MALRD1: variants seen among roughly 807,000 people sequenced by gnomAD.
MALRD1 encodes the protein MAM and LDL-receptor class A domain-containing protein 1.
MALRD1 carries 247 observed loss-of-function variants against 242.1 expected under a neutral mutation model. The ratio of observed to expected loss-of-function variants is 1.02; its 90% CI spans 0.92 to 1.13. MALRD1 has a LOEUF of 1.13. Ranked by LOEUF, MALRD1 falls within the 50% of genes most tolerant of loss-of-function variation. The pLI, the probability that MALRD1 is intolerant of heterozygous loss-of-function variation, is 0.00. For synonymous variants in MALRD1, 995 were observed against 866.6 expected (o/e 1.15, Z -2.60); for missense variants, 2,989 against 2,533.1 (o/e 1.18, Z -3.86).
chr10:19,220,836 A>T (rs1588716757), intron 18 of MALRD1, among the ~76,000 whole-genome samples: 1 of 152,300 alleles, frequency 6.6e-6, no homozygotes, highest in East Asian at 1.9e-4. Flanking sequence ...GCTTATTCCA[A>T]CTTGTGAATT....
intron 26 of MALRD1, among the ~76,000 whole-genome samples, chr10:19,357,115 A>T (rs1007936169): frequency 2.0e-5 from 3 of 146,888 alleles, no homozygotes; most frequent in Non-Finnish European, 3.1e-5. Flanking sequence ...GTCTGAAAAA[A>T]AAAAATAAAA....
At chr10:19,648,479 A>G (rs908245330) in intron 36 of MALRD1, among the ~76,000 whole-genome samples, 2 of 152,202 alleles carry the variant, frequency 1.3e-5, no homozygotes, top group African/African-American at 4.8e-5. Flanking sequence ...CAGCCCTATC[A>G]TAGCTTAAAA....
chr10:19,581,994 G>A (rs1439892087), intron 33 of MALRD1, among the ~76,000 whole-genome samples: 3 of 152,238 alleles, frequency 2.0e-5, no homozygotes, highest in Admixed American at 6.5e-5. Flanking sequence ...TTTTTTTCAT[G>A]TGTTTTTTGG....
intron 34 of MALRD1, among the ~76,000 whole-genome samples, chr10:19,607,225 A>C (rs1838681778): frequency 6.6e-6 from 1 of 152,198 alleles, no homozygotes; most frequent in African/African-American, 2.4e-5. Flanking sequence ...ATTAGTCAGC[A>C]CAGGCTGCCG....
intron 38 of MALRD1, among the ~76,000 whole-genome samples, chr10:19,726,496 T>G (rs1835031696): frequency 6.6e-6 from 1 of 152,106 alleles, no homozygotes; most frequent in Non-Finnish European, 1.5e-5. Context: ...CACACATTGT[T>G]GGTGGGAATG....
intron 21 of MALRD1, among the ~76,000 whole-genome samples, chr10:19,303,577 A>G (rs192753830): frequency 6.6e-6 from 1 of 151,828 alleles, no homozygotes; most frequent in Non-Finnish European, 1.5e-5. Context: ...CAATGGAAAT[A>G]TAAGGCAAGC....
chr10:19,352,407 A>G (rs1844427501), intron 26 of MALRD1, 110 bp downstream of exon 26: 1 of 979,960 alleles, frequency 1.0e-6, no homozygotes, highest in Non-Finnish European at 1.5e-6. Context: ...TATCACTTTC[A>G]TAAAGAAAAT....
At chr10:19,711,421 G>C (rs1158176154) in intron 38 of MALRD1, 2 of 152,160 alleles carry the variant, frequency 1.3e-5, no homozygotes, top group Non-Finnish European at 2.9e-5. Context: ...ATAAATAATA[G>C]TTTATGCTCT....
At chr10:19,330,347 G>GA (rs983862965) in intron 23 of MALRD1, among the ~76,000 whole-genome samples, 2,966 of 145,474 alleles carry the variant, frequency 0.02, 94 homozygotes, top group African/African-American at 0.069. Flanking sequence ...GCATCTGAAG[G>GA]AAAAAAAAAA....
intron 19 of MALRD1, among the ~76,000 whole-genome samples, chr10:19,265,565 A>G (rs796719788): frequency 5.9e-5 from 9 of 152,172 alleles, no homozygotes; most frequent in African/African-American, 2.2e-4. Flanking sequence ...CCAGTTTCAT[A>G]CCATTGTGGT....
At position 19,077,989 on chromosome 10, in the gene MALRD1, A is replaced by G. The variant is rs370027810; in HGVS notation, c.341-9851A>G. 9.9e-5 allele frequency among the ~76,000 whole-genome samples: 15 copies of G among 152,020 alleles called. No homozygotes were observed. In the South Asian group the frequency reaches 2.9e-3, roughly 29 times the overall value. On this transcript the variant is annotated intron_variant, in intron 2 of 39. Transcript: ENST00000454679. ...TTTATTTCCCTTCTTACATGAAAAC[A>G]TATTTGTAGTTCTTGATGCTATTAT...
intron 18 of MALRD1, among the ~76,000 whole-genome samples, chr10:19,252,286 G>A (rs541022900): frequency 4.9e-4 from 75 of 152,122 alleles, no homozygotes; most frequent in African/African-American, 1.8e-3. Flanking sequence ...GGAGTTAAAC[G>A]AAACTGTTAT....
chr10:19,699,279 AAAGG>A (rs1833513468), intron 38 of MALRD1, among the ~76,000 whole-genome samples: 1 of 139,382 alleles, frequency 7.2e-6, no homozygotes, highest in African/African-American at 3.0e-5. Context: ...TACTGTGGAG[AAAGG>A]AGGGAAAGGA....
At chr10:19,634,599 C>T (rs1019864661) in intron 36 of MALRD1, among the ~76,000 whole-genome samples, 4 of 152,066 alleles carry the variant, frequency 2.6e-5, no homozygotes, top group African/African-American at 7.2e-5. Context: ...ATCTTCAGCT[C>T]GGCATTGTTC....
At chr10:19,439,452 A>G (rs1589074563) in intron 28 of MALRD1, among the ~76,000 whole-genome samples, 1 of 152,058 alleles carries the variant, frequency 6.6e-6, no homozygotes, top group East Asian at 1.9e-4. Context: ...CAGGAGGATC[A>G]CTTATGCCTG....
At chr10:19,697,316 A>G (rs1007251172) in intron 38 of MALRD1, among the ~76,000 whole-genome samples, 3 of 152,134 alleles carry the variant, frequency 2.0e-5, no homozygotes, top group African/African-American at 7.2e-5. Flanking sequence ...GGAAACTCTG[A>G]CAGAGTTTTG....
intron 28 of MALRD1, among the ~76,000 whole-genome samples, chr10:19,411,048 G>C (rs7068616): frequency 0.87 from 132,131 of 152,196 alleles, 57,716 homozygotes; most frequent in African/African-American, 0.92. Flanking sequence ...ATTATAATAT[G>C]AAATCTGCGA....
chr10:19,131,987 G>A (rs2131401400), intron 8 of MALRD1, among the ~76,000 whole-genome samples: 1 of 152,174 alleles, frequency 6.6e-6, no homozygotes, highest in Admixed American at 6.5e-5. Context: ...ACAAAACATT[G>A]CTAGTGCCAT....
At position 19,136,712 on chromosome 10, in the gene MALRD1, G is replaced by A. The variant is rs1282298965; in HGVS notation, c.1342G>A (p.Ala448Thr). The stretch of plus-strand genomic sequence containing the variant: ...CCCTTGCACTAGTGGCCAGTGCATC[G>A]CCAAAGAATCTGTCTGTGACTCTCG... The part of the protein sequence containing the change: ...EFPCTSGQCI[A>T]KESVCDSRQD... The change falls in exon 10 of 40, where the codon GCC (alanine) becomes ACC (threonine). Residue 448 changes from alanine (A) to threonine (T), a missense_variant. Ala to Thr is a moderately conservative substitution (Grantham distance 58). Transcript: ENST00000454679. The A allele has an allele frequency of 1.2e-5, 15 of 1,231,512 alleles. No individual in the cohort carries two copies. Among genetic ancestry groups the A allele is most frequent in the East Asian group, 6.3e-5 (2 of 31,678 alleles). The allele number at this position is 1,231,512 out of a possible 1,614,324, so 76.3% of individuals were successfully genotyped here.
Sources: gnomAD v4.1 joint callset for allele counts (sites outside exome capture counted in the v4.1 genomes callset) on GRCh38, gnomAD v4.1.1 for gene constraint, MANE v1.5 for transcripts, NCBI Gene and HGNC (gene_info 2026-07-23, HGNC 2026-07-21) for gene names.